GSE1: variants seen among roughly 807,000 people sequenced by gnomAD.
The protein encoded by GSE1 is Gse1 coiled-coil protein.
Under a neutral mutation model 112.6 loss-of-function variants are expected in GSE1, and 32 were observed. That is an observed-to-expected ratio of 0.28 (90% CI 0.21 to 0.38). The LOEUF (loss-of-function observed/expected upper bound fraction) is 0.38. Ranked by LOEUF, GSE1 falls within the 10% of genes least tolerant of loss-of-function variation. GSE1 has a pLI of 1.00. For missense variants in GSE1, 2,348 were observed against 1,699.2 expected, an observed-to-expected ratio of 1.38 and a Z score of -6.71; for synonymous variants, 1,115 against 735.6, an observed-to-expected ratio of 1.52 and a Z score of -8.35.
chr16:85,224,619 G>C (rs1469427242), intron 1 of GSE1, among the ~76,000 whole-genome samples: 1 of 152,130 alleles, frequency 6.6e-6, no homozygotes, highest in Non-Finnish European at 1.5e-5. Context: ...GTGTAGCCGT[G>C]GACGACAGCT....
At chr16:85,623,951 C>T (rs1031108907) in intron 1 of GSE1, among the ~76,000 whole-genome samples, 3 of 152,194 alleles carry the variant, frequency 2.0e-5, no homozygotes, top group African/African-American at 4.8e-5. Context: ...GGCACTCACT[C>T]GGTACAGAAG....
intron 2 of GSE1, among the ~76,000 whole-genome samples, chr16:85,412,893 G>C (rs1346629117): frequency 2.0e-5 from 3 of 152,210 alleles, no homozygotes; most frequent in South Asian, 4.1e-4. Context: ...CATCTTTTCA[G>C]GGGGCCGTGA....
At chr16:85,345,288 AAAGT>A (rs2046711168) in intron 1 of GSE1, among the ~76,000 whole-genome samples, 1 of 152,272 alleles carries the variant, frequency 6.6e-6, no homozygotes, top group South Asian at 2.1e-4. Flanking sequence ...GTCCGTAAAT[AAAGT>A]TTTATTGGAA....
chr16:85,305,466 GTTTTT>G (rs60796923), intron 1 of GSE1, among the ~76,000 whole-genome samples: 13 of 151,002 alleles, frequency 8.6e-5, no homozygotes, highest in African/African-American at 1.5e-4. Context: ...GTTTTTTGTT[GTTTTT>G]TTTTTTTTGT....
chr16:85,261,618 G>A (rs1031961248), intron 1 of GSE1, among the ~76,000 whole-genome samples: 12 of 152,194 alleles, frequency 7.9e-5, no homozygotes, highest in South Asian at 6.2e-4. Context: ...TTGGCGGCCA[G>A]CAGGAGAGGG....
At chr16:85,393,058 G>C (rs968568874) in intron 2 of GSE1, among the ~76,000 whole-genome samples, 1 of 152,224 alleles carries the variant, frequency 6.6e-6, no homozygotes, top group Non-Finnish European at 1.5e-5. Context: ...AAGGCTGCTG[G>C]TGCAGGGCCT....
chr16:85,212,720 A>G (rs577644400), intron 1 of GSE1, among the ~76,000 whole-genome samples: 41 of 152,270 alleles, frequency 2.7e-4, no homozygotes, highest in Middle Eastern at 3.4e-3. Context: ...GACGCCCCAC[A>G]GACGTCTGTG....
intron 13 of GSE1, among the ~76,000 whole-genome samples, chr16:85,667,830 C>T (rs2052997908): frequency 6.6e-6 from 1 of 152,164 alleles, no homozygotes; most frequent in African/African-American, 2.4e-5. Context: ...TTCTCTCCAG[C>T]CTGCTACCCA....
intron 2 of GSE1, among the ~76,000 whole-genome samples, chr16:85,397,905 C>T (rs903328827): frequency 6.6e-6 from 1 of 150,984 alleles, no homozygotes; most frequent in Non-Finnish European, 1.5e-5. Context: ...CCCCGCAGAC[C>T]AGGGGCTGCC....
At chr16:85,627,497 G>T (rs558205765) in intron 1 of GSE1, among the ~76,000 whole-genome samples, 13 of 151,936 alleles carry the variant, frequency 8.6e-5, no homozygotes, top group African/African-American at 3.1e-4. Flanking sequence ...TTTTTTCCTG[G>T]GGGTGGGGGT....
chr16:85,341,980 AC>A (rs1431263691), intron 1 of GSE1, among the ~76,000 whole-genome samples: 1 of 151,936 alleles, frequency 6.6e-6, no homozygotes, highest in African/African-American at 2.4e-5. Flanking sequence ...TGGAATAGAG[AC>A]CGGCAGGTGG....
chr16:85,660,155 C>T (rs576687177), intron 8 of GSE1, among the ~76,000 whole-genome samples: 2 of 152,308 alleles, frequency 1.3e-5, no homozygotes, highest in East Asian at 3.9e-4. Flanking sequence ...GGCCACAGCC[C>T]AGTATATAGA....
At chr16:85,251,193 C>T (rs571665330) in intron 1 of GSE1, among the ~76,000 whole-genome samples, 6 of 152,214 alleles carry the variant, frequency 3.9e-5, no homozygotes, top group African/African-American at 1.2e-4. Context: ...TGGGCACCTC[C>T]GTGTGTGAGT....
In GSE1 at chr16:85,331,615, A is replaced by ATG. The variant is rs1567693281; in HGVS notation, c.2284-25842_2284-25841dup. ...TGTGTATATGTGTATTTGTGTATAT[A>ATG]TGTGTGTATATATGTGTATATATGT... On this transcript the variant is annotated intron_variant, in intron 1 of 2. Transcript: ENST00000637419. Among the ~76,000 whole-genome samples, 2 of 65,628 alleles carry ATG rather than the reference A, an allele frequency of 3.0e-5. 1 individual carries two copies. Among genetic ancestry groups the ATG allele is most frequent in the African/African-American group, 1.0e-4 (2 of 19,098 alleles). The allele number at this position is 65,628 out of a possible 152,430, so 43.1% of individuals were successfully genotyped here. A position where few individuals can be genotyped will look rare whatever the true frequency, so the allele number is the denominator to read the frequency against.
At chr16:85,388,492 G>GTGGATGGA (rs1258045810) in intron 2 of GSE1, among the ~76,000 whole-genome samples, 2 of 78,774 alleles carry the variant, frequency 2.5e-5, no homozygotes, top group Non-Finnish European at 5.1e-5. Context: ...GGGTGGGTGG[G>GTGGATGGA]TGGATGGATG....
At chr16:85,591,041 G>A (rs1454821903) in intron 1 of GSE1, among the ~76,000 whole-genome samples, 1 of 152,178 alleles carries the variant, frequency 6.6e-6, no homozygotes, top group Non-Finnish European at 1.5e-5. Flanking sequence ...TGTCCCGAGG[G>A]CCACCCTGCC....
intron 1 of GSE1, among the ~76,000 whole-genome samples, chr16:85,188,931 T>C (rs1023487396): frequency 2.6e-5 from 4 of 152,214 alleles, no homozygotes; most frequent in African/African-American, 9.6e-5. Flanking sequence ...CTGGTGCATA[T>C]GTGCATTTTC....
At chr16:85,225,759 T>C (rs1339531293) in intron 1 of GSE1, among the ~76,000 whole-genome samples, 1 of 152,242 alleles carries the variant, frequency 6.6e-6, no homozygotes, top group Non-Finnish European at 1.5e-5. Flanking sequence ...TCGTAATGTA[T>C]TGCTGTGTAA....
rs556884273 is a variant in GSE1, at chr16:85,172,766, G to A, written c.2283+959G>A. The stretch of plus-strand genomic sequence containing the variant: ...TGTGGATGGGAAAGGTGGCGCTGTC[G>A]TGTTCAGAAAGGGTCATTCCACCCT... On this transcript the variant is annotated intron_variant, in intron 1 of 2. Transcript: ENST00000637419. Among the ~76,000 whole-genome samples the A allele has an allele frequency of 5.3e-5, 8 of 152,266 alleles. No homozygotes were observed. In the East Asian group the frequency reaches 1.2e-3, roughly 22 times the overall value.
Sources: allele counts gnomAD v4.1 joint callset (sites outside exome capture counted in the v4.1 genomes callset), GRCh38; gene constraint gnomAD v4.1.1; transcripts MANE v1.5; gene names NCBI Gene and HGNC (gene_info 2026-07-23, HGNC 2026-07-21).